The following TYW1B variants were observed in gnomAD, a reference collection of about 807,000 sequenced individuals.
TYW1B encodes the protein S-adenosyl-L-methionine-dependent tRNA 4-demethylwyosine synthase TYW1B.
Under a neutral mutation model 86.9 loss-of-function variants are expected in TYW1B, and 73 were observed. The observed-to-expected ratio is 0.84, with a 90% CI of 0.70 to 1.02. The LOEUF is 1.02. Ranked by LOEUF, TYW1B falls within the 50% of genes least tolerant of loss-of-function variation. The pLI is 0.00. For synonymous variants in TYW1B, 248 were observed against 292.8 expected (o/e 0.85, Z 1.56); for missense variants, 637 against 827.4 (o/e 0.77, Z 2.82).
chr7:72,607,890 G>T (rs1212674206), intron 13 of TYW1B, among the ~76,000 whole-genome samples: 1 of 151,018 alleles, frequency 6.6e-6, no homozygotes, highest in South Asian at 2.1e-4. Flanking sequence ...AGAAATCCAG[G>T]CCAAGGCAAC....
At chr7:72,746,240 A>T (rs571968841) in intron 7 of TYW1B, among the ~76,000 whole-genome samples, 9 of 149,386 alleles carry the variant, frequency 6.0e-5, no homozygotes, top group South Asian at 2.1e-4. Flanking sequence ...GTTCTAATTT[A>T]AAAAAAAAAG....
chr7:72,694,487 A>G (rs1259446925), intron 11 of TYW1B, among the ~76,000 whole-genome samples, 200 bp downstream of exon 11: 2 of 152,254 alleles, frequency 1.3e-5, no homozygotes, highest in African/African-American at 4.8e-5. Context: ...GAAGAACTCA[A>G]TAATTATTTA....
Position 72,813,301 on chromosome 7 carries a change from G to A in TYW1B, c.237+2079C>T, listed in dbSNP as rs537343256. Reference sequence around the variant, plus strand: ...AGCAATTCTCCTGCCTCAGCCTCCCGAGTAGTTGGGATTACAGGCACCCAC... The same window carrying A: ...AGCAATTCTCCTGCCTCAGCCTCCCAAGTAGTTGGGATTACAGGCACCCAC... On this transcript the variant is annotated intron_variant, in intron 3 of 13. Transcript: ENST00000620995. Among the ~76,000 whole-genome samples the A allele has an allele frequency of 1.0e-3, 155 of 150,644 alleles. 2 individuals carry two copies. Among genetic ancestry groups the A allele is most frequent in the African/African-American group, 3.1e-3 (128 of 40,940 alleles).
intron 2 of TYW1B, chr7:72,823,253 C>A (rs1177284025): frequency 1.3e-5 from 2 of 151,796 alleles, no homozygotes; most frequent in Non-Finnish European, 2.9e-5. Context: ...AAGTGGTCTG[C>A]CCACCTCGGC....
intron 3 of TYW1B, among the ~76,000 whole-genome samples, chr7:72,811,580 A>G (rs1249112156): frequency 6.6e-6 from 1 of 151,986 alleles, no homozygotes; most frequent in Non-Finnish European, 1.5e-5. Flanking sequence ...GTTCATTACC[A>G]TCTCCTCAGG....
At chr7:72,599,077 ATAC>A (rs1261204189) in intron 13 of TYW1B, among the ~76,000 whole-genome samples, 34 of 152,340 alleles carry the variant, frequency 2.2e-4, no homozygotes, top group Non-Finnish European at 4.1e-4. Flanking sequence ...TGAGATAAAG[ATAC>A]TACAAGAAAG....
chr7:72,676,074 T>G (rs1257568228), intron 11 of TYW1B, among the ~76,000 whole-genome samples: 2 of 152,142 alleles, frequency 1.3e-5, no homozygotes, highest in African/African-American at 4.8e-5. Context: ...ACTGAAGCTC[T>G]TTGGGGCTAA....
At chr7:72,721,266 A>T (rs186092428) in intron 9 of TYW1B, among the ~76,000 whole-genome samples, 1 of 152,302 alleles carries the variant, frequency 6.6e-6, no homozygotes, top group Non-Finnish European at 1.5e-5. Context: ...ACACCCAGTA[A>T]TGGGATGGCT....
At chr7:72,706,001 C>T (rs187448231) in intron 10 of TYW1B, among the ~76,000 whole-genome samples, 20 of 152,314 alleles carry the variant, frequency 1.3e-4, no homozygotes, top group African/African-American at 4.6e-4. Context: ...ACAGATGGTA[C>T]AGTGTTCTGG....
chr7:72,637,040 A>G (rs1451668923), intron 11 of TYW1B, among the ~76,000 whole-genome samples: 2 of 152,110 alleles, frequency 1.3e-5, no homozygotes, highest in Non-Finnish European at 2.9e-5. Flanking sequence ...GCTGGGCGTG[A>G]TTGAGCCCAG....
chr7:72,709,920 T>C (rs1786604235), intron 10 of TYW1B, among the ~76,000 whole-genome samples: 1 of 152,186 alleles, frequency 6.6e-6, no homozygotes, highest in Non-Finnish European at 1.5e-5. Context: ...CTATCTCATT[T>C]GTTTGTTGAA....
At chr7:72,804,630 G>T (rs1220975657) in intron 5 of TYW1B, among the ~76,000 whole-genome samples, 1 of 152,182 alleles carries the variant, frequency 6.6e-6, no homozygotes, top group Non-Finnish European at 1.5e-5. Context: ...TTGAGCTCAG[G>T]AGTTTGAGAT....
At chr7:72,657,536 T>C (rs1554443844) in intron 11 of TYW1B, among the ~76,000 whole-genome samples, 1 of 152,148 alleles carries the variant, frequency 6.6e-6, no homozygotes, top group Non-Finnish European at 1.5e-5. Context: ...GAAGGTCTTC[T>C]CTAAGGCACA....
rs1554434062 is a variant in TYW1B, at chr7:72,602,887, A to ACAG, written c.1785+13784_1785+13785insCTG. Among the ~76,000 whole-genome samples the ACAG allele has an allele frequency of 1.5e-4, 16 of 109,722 alleles. No individual in the cohort carries two copies. The South Asian group carries it at 2.7e-3, about 19-fold the overall frequency. 72.0% of individuals were successfully genotyped at this position (109,722 alleles called of 152,430 possible). On this transcript the variant is annotated intron_variant, in intron 13 of 13. Transcript: ENST00000620995. ...ACACACACACACACACACACACACAATGTTGATGGGGTTATGGCAAAGTAA... is the reference window on the plus strand; with the variant it reads ...ACACACACACACACACACACACACAACAGTGTTGATGGGGTTATGGCAAAGTAA...
intron 9 of TYW1B, among the ~76,000 whole-genome samples, chr7:72,717,056 T>G (rs1339782065): frequency 6.6e-6 from 1 of 151,970 alleles, no homozygotes; most frequent in Non-Finnish European, 1.5e-5. Context: ...ATCCCAGCAC[T>G]TAGTGATGCC....
intron 12 of TYW1B, among the ~76,000 whole-genome samples, chr7:72,628,112 T>C (rs1475902415): frequency 6.6e-6 from 1 of 151,836 alleles, no homozygotes; most frequent in African/African-American, 2.4e-5. Flanking sequence ...GGCAAAACAG[T>C]GAGACCTTCT....
At chr7:72,753,498 T>TTTTG (rs1489101171) in intron 7 of TYW1B, among the ~76,000 whole-genome samples, 1 of 151,140 alleles carries the variant, frequency 6.6e-6, no homozygotes, top group African/African-American at 2.4e-5. Context: ...TTTTTTTTTT[T>TTTTG]GAGACAGAAT....
intron 13 of TYW1B, among the ~76,000 whole-genome samples, chr7:72,610,856 C>G (rs1811918170): frequency 6.6e-6 from 1 of 152,192 alleles, no homozygotes; most frequent in South Asian, 2.1e-4. Context: ...ACAACTTTTT[C>G]TGAAACACAA....
intron 6 of TYW1B, among the ~76,000 whole-genome samples, chr7:72,785,167 A>T (rs1788106454): frequency 6.6e-6 from 1 of 152,038 alleles, no homozygotes; most frequent in African/African-American, 2.4e-5. Flanking sequence ...GTCCTAGAAG[A>T]AGTCTTAGAT....
Sources: allele counts gnomAD v4.1 joint callset (sites outside exome capture counted in the v4.1 genomes callset), GRCh38; gene constraint gnomAD v4.1.1; transcripts MANE v1.5; gene names NCBI Gene and HGNC (gene_info 2026-07-23, HGNC 2026-07-21).